GBP2: variants seen among roughly 807,000 people sequenced by gnomAD.
GBP2 encodes guanylate binding protein 2, also known as guanylate-binding protein 2.
Under a neutral mutation model 60.8 loss-of-function variants are expected in GBP2, and 54 were observed. That is an observed-to-expected ratio of 0.89 (90% CI 0.71 to 1.11). GBP2 has a LOEUF of 1.11. GBP2 is among the 50% of genes most tolerant of loss of function. The pLI, the probability that GBP2 is intolerant of heterozygous loss-of-function variation, is 0.00. For synonymous variants in GBP2, 243 were observed against 256.5 expected, an observed-to-expected ratio of 0.95 and a Z score of 0.50; for missense variants, 665 against 703.3, an observed-to-expected ratio of 0.95 and a Z score of 0.62.
chr1:89,112,794 G>A, intron 7 of GBP2, 110 bp from the exon 8 acceptor site: 2 of 777,124 alleles, frequency 2.6e-6, no homozygotes, highest in Non-Finnish European at 4.4e-6. Flanking sequence ...CCTCTAAATA[G>A]GGCCATGCTC....
At position 89,106,725 on chromosome 1, in the gene GBP2, T is replaced by C. The variant is rs982483517; in HGVS notation, c.*1450A>G. On this transcript the variant is annotated 3_prime_UTR_variant, in exon 11 of 11. Transcript: ENST00000370466. ...GTAGAAGACAAAAATACTCTAATTC[T>C]CAGACTTTCCCATGGGTAGGCATAT... 1.3e-5 allele frequency: 2 copies of C among 152,232 alleles called. No homozygotes were observed. Among genetic ancestry groups the C allele is most frequent in the African/African-American group, 4.8e-5 (2 of 41,464 alleles). 9.4% of individuals were successfully genotyped at this position (152,232 alleles called of 1,614,324 possible). A position where few individuals can be genotyped will look rare whatever the true frequency, so the allele number is the denominator to read the frequency against.
chr1:89,112,495 G>A lies in GBP2; in HGVS notation c.1339C>T (p.Gln447Ter), dbSNP rs1471509202. The A allele has an allele frequency of 6.2e-7, 1 of 1,614,034 alleles. No homozygotes were observed. Among genetic ancestry groups the A allele is most frequent in the East Asian group, 2.2e-5 (1 of 44,880 alleles). The change falls in exon 8 of 11, where the codon CAG becomes TAG. Residue 447 changes from glutamine (Q) to a stop codon, truncating the protein, a stop_gained. Transcript: ENST00000370466. LOFTEE classifies it high-confidence loss of function. ...KLQELKNKYY[Q>*]VPRKGIQAKE... ...ACCTGTATCCCCTTCCTTGGCACCT[G>A]GTAGTACTTATTCTTCAGCTCCTGC...
intron 3 of GBP2, among the ~76,000 whole-genome samples, chr1:89,120,607 C>T (rs1214234017): frequency 6.6e-6 from 1 of 152,182 alleles, no homozygotes; most frequent in African/African-American, 2.4e-5. Context: ...ATTTCCATGG[C>T]ACATCATAGT....
At chr1:89,113,646 A>AG (rs1681208921) in intron 7 of GBP2, among the ~76,000 whole-genome samples, 1 of 152,180 alleles carries the variant, frequency 6.6e-6, no homozygotes, top group Admixed American at 6.5e-5. Context: ...CTCACATTTA[A>AG]AAAAATTATT....
rs1400414190 is a variant in GBP2, at chr1:89,121,216, C to A, written c.245G>T (p.Cys82Phe). Reference protein sequence around the residue: ...KSHTKGIWMWCVPHPKKPEHT... With the variant: ...KSHTKGIWMWFVPHPKKPEHT... ...TTCTGGCTTCTTGGGATGAGGCACACACCACATCCAGATTCCCTTGGTGTG... is the reference window on the plus strand; with the variant it reads ...TTCTGGCTTCTTGGGATGAGGCACAAACCACATCCAGATTCCCTTGGTGTG... Residue 82 changes from cysteine to phenylalanine, a missense_variant, in exon 3 of 11, where the codon TGT (cysteine) becomes TTT (phenylalanine). Physicochemically the swap from Cys to Phe is radical, Grantham distance 205. Coordinates refer to ENST00000370466, the MANE Select transcript of GBP2 (RefSeq NM_004120.5). The A allele has an allele frequency of 6.2e-7, 1 of 1,611,852 alleles. No individual in the cohort carries two copies. Among genetic ancestry groups the A allele is most frequent in the Non-Finnish European group, 8.5e-7 (1 of 1,178,358 alleles).
At chr1:89,108,589 T>C (rs1681099671) in intron 10 of GBP2, among the ~76,000 whole-genome samples, 1 of 152,228 alleles carries the variant, frequency 6.6e-6, no homozygotes. Flanking sequence ...TTGTTGTTGT[T>C]GTTCATTTCT....
chr1:89,122,486 G>C (rs1681421371), intron 1 of GBP2, among the ~76,000 whole-genome samples: 1 of 152,082 alleles, frequency 6.6e-6, no homozygotes, highest in Admixed American at 6.5e-5. Flanking sequence ...CTATGATTTT[G>C]TAGAATATCC....
chr1:89,116,880 C>T lies in GBP2; in HGVS notation c.868+112G>A. Reference sequence around the variant, plus strand: ...GATTTTCATGTTGTATTTTCCTTGCCATCAATAGACTATGCATTTGTCAGA... The same window carrying T: ...GATTTTCATGTTGTATTTTCCTTGCTATCAATAGACTATGCATTTGTCAGA... On this transcript the variant is annotated intron_variant, in intron 6 of 10. Coordinates refer to ENST00000370466, the MANE Select transcript of GBP2 (RefSeq NM_004120.5). The T allele has an allele frequency of 8.0e-6, 8 of 1,003,270 alleles. No homozygotes were observed. The South Asian group carries it at 9.7e-5, about 12-fold the overall frequency. The allele number at this position is 1,003,270 out of a possible 1,614,324, so 62.1% of individuals were successfully genotyped here. A position where few individuals can be genotyped will look rare whatever the true frequency, so the allele number is the denominator to read the frequency against.
chr1:89,115,598 C>T (rs1681253832), intron 6 of GBP2, among the ~76,000 whole-genome samples: 1 of 152,024 alleles, frequency 6.6e-6, no homozygotes, highest in African/African-American at 2.4e-5. Context: ...TGTCTTTCTT[C>T]TATTTTCGTT....
chr1:89,125,399 T>G (rs10754261), intron 1 of GBP2, among the ~76,000 whole-genome samples: 93,822 of 152,032 alleles, frequency 0.62, 29,833 homozygotes, highest in East Asian at 0.78. Flanking sequence ...CTGTTTCATT[T>G]TATAGCATGA....
chr1:89,115,607 T>C (rs1265178572), intron 6 of GBP2, among the ~76,000 whole-genome samples: 1 of 152,110 alleles, frequency 6.6e-6, no homozygotes, highest in Non-Finnish European at 1.5e-5. Flanking sequence ...TCTATTTTCG[T>C]TTAAAAAATT....
chr1:89,106,676 C>T lies in GBP2; in HGVS notation c.*1499G>A, dbSNP rs566252843. 32 of 152,272 alleles carry T rather than the reference C, an allele frequency of 2.1e-4. No homozygotes were observed. Among genetic ancestry groups the T allele is most frequent in the Non-Finnish European group, 2.6e-4 (18 of 68,024 alleles). 9.4% of individuals were successfully genotyped at this position (152,272 alleles called of 1,614,324 possible). ...ACTAAACATACAGGAAAATTTCCCA[C>T]GTTATTAGTTTCTTCCTCCAAAAGT... On this transcript the variant is annotated 3_prime_UTR_variant, in exon 11 of 11. Transcript: ENST00000370466.
chr1:89,111,824 A>T (rs1475961686), intron 8 of GBP2, among the ~76,000 whole-genome samples: 1 of 152,226 alleles, frequency 6.6e-6, no homozygotes, highest in Non-Finnish European at 1.5e-5. Flanking sequence ...TTGTAACACA[A>T]AGGATAAATA....
At position 89,114,024 on chromosome 1, in the gene GBP2, T is replaced by A; in HGVS notation, c.1141A>T (p.Lys381Ter). The change falls in exon 7 of 11, where the codon AAA becomes TAA. Residue 381 changes from lysine (K) to a stop codon, truncating the protein, a stop_gained. Coordinates refer to ENST00000370466, the MANE Select transcript of GBP2 (RefSeq NM_004120.5). LOFTEE classifies it high-confidence loss of function. Reference protein sequence around the residue: ...FKDVDQMFQRKLGAQLEARRD... With the variant: ...FKDVDQMFQR ...TAGAACACCAAATATACCCCTAATT[T>A]CCTCTGGAACATTTGGTCCACATCC... 6.2e-7 allele frequency: 1 copy of A among 1,614,210 alleles called. No individual in the cohort carries two copies. The highest frequency in any genetic ancestry group is 8.5e-7 in the Non-Finnish European group (1 of 1,180,020).
At chr1:89,117,855 G>T in intron 4 of GBP2, 82 bp from the exon 5 acceptor site, 3 of 1,170,738 alleles carry the variant, frequency 2.6e-6, no homozygotes, top group Non-Finnish European at 3.6e-6. Context: ...AAAATAATTT[G>T]GTTTCTTTTT....
At chr1:89,108,757 TGAG>T (rs2100610034) in intron 10 of GBP2, among the ~76,000 whole-genome samples, 1 of 152,220 alleles carries the variant, frequency 6.6e-6, no homozygotes, top group Admixed American at 6.5e-5. Flanking sequence ...AGAAATAAAT[TGAG>T]GAGATCAGGG....
Position 89,107,289 on chromosome 1 carries a change from C to G in GBP2, c.*886G>C, listed in dbSNP as rs932226836. Among the ~76,000 whole-genome samples, 1 of 151,674 alleles carries G rather than the reference C, an allele frequency of 6.6e-6. No homozygotes were observed. Among genetic ancestry groups the G allele is most frequent in the Non-Finnish European group, 1.5e-5 (1 of 67,976 alleles). Reference sequence around the variant, plus strand: ...AGAGGAGCAGAGAGAAAAATGCAGTCAAGTTTTAGGCTTTATAGGATTATA... The same window carrying G: ...AGAGGAGCAGAGAGAAAAATGCAGTGAAGTTTTAGGCTTTATAGGATTATA... On this transcript the variant is annotated 3_prime_UTR_variant, in exon 11 of 11. Transcript: ENST00000370466.
intron 9 of GBP2, 80 bp downstream of exon 9, chr1:89,110,084 A>G (rs1001466583): frequency 2.5e-5 from 27 of 1,080,068 alleles, no homozygotes; most frequent in Non-Finnish European, 3.5e-5. Flanking sequence ...CTCTACAATA[A>G]TAATTCCAGG....
chr1:89,114,705 A>G (rs181871862), intron 6 of GBP2, among the ~76,000 whole-genome samples: 37 of 152,304 alleles, frequency 2.4e-4, no homozygotes, highest in African/African-American at 8.7e-4. Flanking sequence ...GCTTAGGTAA[A>G]TATGTCTTCT....
Sources: allele counts gnomAD v4.1 joint callset (sites outside exome capture counted in the v4.1 genomes callset), GRCh38; gene constraint gnomAD v4.1.1; transcripts MANE v1.5; gene names NCBI Gene and HGNC (gene_info 2026-07-23, HGNC 2026-07-21).